IST1: variants seen among roughly 807,000 people sequenced by gnomAD.
IST1 encodes the protein IST1 factor associated with ESCRT-III.
Under a neutral mutation model 37.0 loss-of-function variants are expected in IST1, and 23 were observed. The observed-to-expected ratio is 0.62, with a 90% confidence interval of 0.45 to 0.88. IST1 has a LOEUF of 0.88. Among genes scored for constraint, IST1 ranks in the 40% least tolerant of loss-of-function variants. The pLI is 0.00. For synonymous variants in IST1, 180 were observed against 161.7 expected (o/e 1.11, Z -0.86); for missense variants, 488 against 445.4 (o/e 1.10, Z -0.86).
At chr16:71,902,754 C>T (rs1267124899) in intron 1 of IST1, among the ~76,000 whole-genome samples, 2 of 152,096 alleles carry the variant, frequency 1.3e-5, no homozygotes, top group African/African-American at 2.4e-5. Flanking sequence ...ACCCTTTCAT[C>T]GCTGATACTG....
chr16:71,913,150 C>T (rs1444375526), intron 1 of IST1, among the ~76,000 whole-genome samples: 2 of 152,138 alleles, frequency 1.3e-5, no homozygotes, highest in Non-Finnish European at 2.9e-5. Flanking sequence ...GTGGTAGTTC[C>T]ATTTTTAATT....
intron 1 of IST1, among the ~76,000 whole-genome samples, chr16:71,906,396 C>G (rs754189042): frequency 6.6e-6 from 1 of 152,094 alleles, no homozygotes; most frequent in Non-Finnish European, 1.5e-5. Context: ...CAGCCTCTAC[C>G]TACTGTGTTC....
rs542618212 is a variant in IST1 at position 71,911,231 on chromosome 16, T to A, written c.-15-4395T>A. ...ACTCCAGCCTGGGTGAGAGTGAGAC[T>A]CTTACGTCAAAAACAAAACAATAAA... On this transcript the variant is annotated intron_variant, in intron 1 of 9. Coordinates refer to ENST00000378799, the MANE Select transcript of IST1 (RefSeq NM_001270975.2). Among the ~76,000 whole-genome samples the A allele has an allele frequency of 3.5e-4, 52 of 150,208 alleles. No individual in the cohort carries two copies. In the South Asian group the frequency reaches 0.011, roughly 31 times the overall value.
intron 2 of IST1, among the ~76,000 whole-genome samples, chr16:71,916,188 G>C (rs1820102062): frequency 6.6e-6 from 1 of 152,162 alleles, no homozygotes. Context: ...CTTTTAGACT[G>C]AGTACCTTTT....
rs200385162 is a variant in IST1 at position 71,923,312 on chromosome 16, G to C, written c.784G>C (p.Gly262Arg). 254 of 1,611,252 alleles carry C rather than the reference G, an allele frequency of 1.6e-4. No homozygotes were observed. Among genetic ancestry groups the C allele is most frequent in the Non-Finnish European group, 2.1e-4 (242 of 1,177,992 alleles). Residue 262 changes from glycine (G) to arginine (R), a missense_variant, in exon 8 of 10, where the codon GGG becomes CGG. Physicochemically the swap from Gly to Arg is moderately radical, Grantham distance 125 (BLOSUM62 -2). This residue lies in a region of IST1 where 455 missense variants were observed against 386.2 expected (regional missense o/e 1.18). Coordinates refer to ENST00000378799, the MANE Select transcript of IST1 (RefSeq NM_001270975.2). ...GPSDFNGLPM[G>R]TYQAFPNIHP... ...GTCAGATTTCAATGGACTGCCAATG[G>C]GGACTTATCAGGCCTTTCCCAATAT...
intron 9 of IST1, among the ~76,000 whole-genome samples, chr16:71,926,778 A>T (rs1003045449): frequency 1.3e-5 from 2 of 152,042 alleles, no homozygotes; most frequent in African/African-American, 4.8e-5. Flanking sequence ...CACTATTTTG[A>T]TTTTTTTGTA....
At chr16:71,894,444 CTG>C, upstream of IST1, 1 of 165,482 alleles carries the variant, frequency 6.0e-6, no homozygotes, top group Non-Finnish European at 1.3e-5. Flanking sequence ...CGGGGTTCCT[CTG>C]TGTTGGCCAG....
intron 4 of IST1, among the ~76,000 whole-genome samples, chr16:71,918,974 A>T (rs1009771062): frequency 6.6e-6 from 1 of 152,218 alleles, no homozygotes; most frequent in Non-Finnish European, 1.5e-5. Context: ...CTCTGGTCCA[A>T]TGCTACTGTC....
upstream of IST1, chr16:71,894,561 T>C (rs1371658714): frequency 3.2e-6 from 1 of 309,272 alleles, no homozygotes; most frequent in Non-Finnish European, 6.0e-6. Context: ...TCTTTTTTTC[T>C]GTAGCCTAGG....
chr16:71,906,340 G>A (rs998905084), intron 1 of IST1, among the ~76,000 whole-genome samples: 1 of 148,920 alleles, frequency 6.7e-6, no homozygotes, highest in African/African-American at 2.5e-5. Context: ...ACAGTTTTGC[G>A]CTTGTTGCCC....
chr16:71,928,057 C>A lies in IST1; in HGVS notation c.*244C>A. 4.2e-6 allele frequency: 2 copies of A among 474,600 alleles called. No homozygotes were observed. Among genetic ancestry groups the A allele is most frequent in the Admixed American group, 6.7e-5 (2 of 29,698 alleles). 29.4% of individuals were successfully genotyped at this position (474,600 alleles called of 1,614,324 possible). A position where few individuals can be genotyped will look rare whatever the true frequency, so the allele number is the denominator to read the frequency against. Reference sequence around the variant, plus strand: ...CCTGGCAGCTGTGCTTGTCCGTTTCCTGTCAGAGTGATCCCAGGTTTCCTC... The same window carrying A: ...CCTGGCAGCTGTGCTTGTCCGTTTCATGTCAGAGTGATCCCAGGTTTCCTC... On this transcript the variant is annotated 3_prime_UTR_variant, in exon 10 of 10. Coordinates refer to ENST00000378799, the MANE Select transcript of IST1 (RefSeq NM_001270975.2).
chr16:71,895,705 C>A, intron 1 of IST1, 116 bp downstream of exon 1: 1 of 260,300 alleles, frequency 3.8e-6, no homozygotes, highest in Non-Finnish European at 6.0e-6. Flanking sequence ...TCGGAGGGGG[C>A]AGCTGAGGAG....
At chr16:71,894,839 T>C (rs1199176446), upstream of IST1, 1 of 1,532,362 alleles carries the variant, frequency 6.5e-7, no homozygotes, top group Non-Finnish European at 8.7e-7. Flanking sequence ...GCGATAATGG[T>C]TTTCAAGTTA....
At chr16:71,927,373 C>T (rs1223621363) in intron 9 of IST1, among the ~76,000 whole-genome samples, 2 of 151,930 alleles carry the variant, frequency 1.3e-5, no homozygotes, top group East Asian at 3.9e-4. Flanking sequence ...CCTGTAATCC[C>T]AGCTACTCAG....
rs751179893 is a variant in IST1 at position 71,929,583 on chromosome 16, C to G, written c.*1770C>G. On this transcript the variant is annotated 3_prime_UTR_variant, in exon 10 of 10. Coordinates refer to ENST00000378799, the MANE Select transcript of IST1 (RefSeq NM_001270975.2). ...CTTCAGTGTCACTGCCCACTGCTGT[C>G]GTGGCTGCTTGCTCAGATGAGGTTT... 1 of 1,551,744 alleles carries G rather than the reference C, an allele frequency of 6.4e-7. No individual in the cohort carries two copies. Among genetic ancestry groups the G allele is most frequent in the South Asian group, 1.2e-5 (1 of 84,052 alleles).
chr16:71,922,413 C>T (rs925221412), intron 6 of IST1, 61 bp from the exon 7 acceptor site: 4 of 1,435,334 alleles, frequency 2.8e-6, no homozygotes, highest in South Asian at 2.3e-5. Flanking sequence ...TCAGACTCCG[C>T]TTTCTGGGGA....
chr16:71,921,053 T>C, intron 5 of IST1: 2 of 611,682 alleles, frequency 3.3e-6, no homozygotes, highest in Non-Finnish European at 5.9e-6. Context: ...ATGCCTCGTG[T>C]CATTTGTGAA....
At position 71,921,534 on chromosome 16, in the gene IST1, C is replaced by T. The variant is rs962675805; in HGVS notation, c.552+81C>T. 1.7e-5 allele frequency: 14 copies of T among 808,206 alleles called. No individual in the cohort carries two copies. In the African/African-American group the frequency reaches 2.0e-4, roughly 12 times the overall value. The allele number at this position is 808,206 out of a possible 1,614,324, so 50.1% of individuals were successfully genotyped here. ...GAAAACAAAAAAAACATTCTTTGCA[C>T]TAACTTAAATTTGTGTGAGTTTAAG... On this transcript the variant is annotated intron_variant, in intron 6 of 9. Coordinates refer to ENST00000378799, the MANE Select transcript of IST1 (RefSeq NM_001270975.2).
intron 9 of IST1, among the ~76,000 whole-genome samples, chr16:71,926,687 C>G (rs548596319): frequency 6.6e-6 from 1 of 152,160 alleles, no homozygotes; most frequent in East Asian, 1.9e-4. Flanking sequence ...ATTCCACTCT[C>G]TGATCAAGGT....
Sources: gnomAD v4.1 joint callset for allele counts (sites outside exome capture counted in the v4.1 genomes callset) on GRCh38, gnomAD v4.1.1 for gene constraint, gnomAD v4.1.1 regional missense constraint, MANE v1.5 for transcripts, NCBI Gene and HGNC (gene_info 2026-07-23, HGNC 2026-07-21) for gene names.